Variants in CYP27A1 observed in about 807,000 individuals in gnomAD.
The protein encoded by CYP27A1 is cytochrome P450 family 27 subfamily A member 1.
Under a neutral mutation model 58.2 loss-of-function variants are expected in CYP27A1, and 46 were observed. That is an observed-to-expected ratio of 0.79 (90% CI 0.62 to 1.01). CYP27A1 has a LOEUF of 1.01. Among genes scored for constraint, CYP27A1 ranks in the 50% least tolerant of loss-of-function variants. The probability of loss-of-function intolerance (pLI) is 0.00; values close to 1 mark genes in which losing one functional copy is unlikely to be tolerated. For missense variants in CYP27A1, 704 were observed against 687.0 expected, an observed-to-expected ratio of 1.02 and a Z score of -0.28; for synonymous variants, 274 against 285.1, an observed-to-expected ratio of 0.96 and a Z score of 0.39.
intron 2 of CYP27A1, among the ~76,000 whole-genome samples, chr2:218,812,016 C>A (rs887531442): frequency 1.3e-5 from 2 of 152,188 alleles, no homozygotes; most frequent in East Asian, 3.9e-4. Flanking sequence ...ATACCCACTT[C>A]CACTCTGCTA....
chr2:218,804,207 A>C (rs1323799970), intron 1 of CYP27A1, among the ~76,000 whole-genome samples: 1 of 152,086 alleles, frequency 6.6e-6, no homozygotes, highest in African/African-American at 2.4e-5. Context: ...ATCCATTTTG[A>C]ATTAATTTTT....
At chr2:218,794,663 A>G (rs1943528669) in intron 1 of CYP27A1, among the ~76,000 whole-genome samples, 1 of 152,134 alleles carries the variant, frequency 6.6e-6, no homozygotes, top group Non-Finnish European at 1.5e-5. Context: ...AGCCAGTTTA[A>G]GGTTTGGGAA....
At chr2:218,800,240 C>T (rs567716638) in intron 1 of CYP27A1, among the ~76,000 whole-genome samples, 16 of 152,030 alleles carry the variant, frequency 1.1e-4, no homozygotes, top group Middle Eastern at 3.2e-3. Flanking sequence ...TCCCATTCTT[C>T]GGTGTTCCAG....
chr2:218,792,838 A>G (rs1405232206), intron 1 of CYP27A1, among the ~76,000 whole-genome samples: 1 of 152,178 alleles, frequency 6.6e-6, no homozygotes, highest in African/African-American at 2.4e-5. Flanking sequence ...AATGCTTCCC[A>G]TGTAACTTAG....
At chr2:218,808,060 A>C (rs190718864) in intron 1 of CYP27A1, among the ~76,000 whole-genome samples, 1 of 152,254 alleles carries the variant, frequency 6.6e-6, no homozygotes, top group Non-Finnish European at 1.5e-5. Flanking sequence ...TTTCTGTATT[A>C]GTACACAAGG....
At chr2:218,794,758 CAG>C (rs2105973350) in intron 1 of CYP27A1, among the ~76,000 whole-genome samples, 1 of 151,998 alleles carries the variant, frequency 6.6e-6, no homozygotes, top group South Asian at 2.1e-4. Context: ...GAAGAGAGGA[CAG>C]AGGAGGAGAA....
At chr2:218,790,687 A>T (rs1051846997) in intron 1 of CYP27A1, among the ~76,000 whole-genome samples, 5 of 151,746 alleles carry the variant, frequency 3.3e-5, no homozygotes, top group South Asian at 2.1e-4. Context: ...ATCATGAGGG[A>T]TAAATTTCTT....
chr2:218,810,293 A>G (rs1283417984), intron 2 of CYP27A1, among the ~76,000 whole-genome samples: 1 of 152,118 alleles, frequency 6.6e-6, no homozygotes. Flanking sequence ...AAGAAAAAAA[A>G]AAAAACTTTT....
intron 1 of CYP27A1, among the ~76,000 whole-genome samples, chr2:218,799,187 T>C (rs1383686290): frequency 2.0e-5 from 3 of 151,740 alleles, no homozygotes; most frequent in South Asian, 4.2e-4. Context: ...CCCCTAATGC[T>C]CTGCAACTCT....
At chr2:218,797,789 A>G (rs572924893) in intron 1 of CYP27A1, among the ~76,000 whole-genome samples, 1 of 152,360 alleles carries the variant, frequency 6.6e-6, no homozygotes, top group African/African-American at 2.4e-5. Context: ...AGAGCAGATT[A>G]GTGCCTTAAG....
intron 8 of CYP27A1, 39 bp downstream of exon 8, chr2:218,814,796 G>A (rs933888044): frequency 1.4e-5 from 23 of 1,613,404 alleles, no homozygotes; most frequent in Non-Finnish European, 1.9e-5. Flanking sequence ...TGGGCAGGGA[G>A]GGGTGGAGGA....
At chr2:218,786,453 G>A (rs1329115164) in intron 1 of CYP27A1, among the ~76,000 whole-genome samples, 1 of 152,194 alleles carries the variant, frequency 6.6e-6, no homozygotes, top group African/African-American at 2.4e-5. Flanking sequence ...GCTTTGAGAA[G>A]CATTGTAGCA....
At chr2:218,800,757 T>A (rs1296340898) in intron 1 of CYP27A1, among the ~76,000 whole-genome samples, 1 of 152,194 alleles carries the variant, frequency 6.6e-6, no homozygotes, top group Admixed American at 6.5e-5. Context: ...AATACACCCA[T>A]ATGTTGTTAT....
rs1943777815 is a variant in CYP27A1, at chr2:218,815,158, C to T, written c.*128C>T. Reference sequence around the variant, plus strand: ...CGCCAGACTCGAGAGGTGGGAGGAACTCCTTGCACACACCCTGAGCTTTTG... The same window carrying T: ...CGCCAGACTCGAGAGGTGGGAGGAATTCCTTGCACACACCCTGAGCTTTTG... On this transcript the variant is annotated 3_prime_UTR_variant, in exon 9 of 9. Transcript: ENST00000258415. 2.7e-6 allele frequency: 3 copies of T among 1,121,684 alleles called. No homozygotes were observed. The highest frequency in any genetic ancestry group is 3.9e-6 in the Non-Finnish European group (3 of 761,012). 69.5% of individuals were successfully genotyped at this position (1,121,684 alleles called of 1,614,324 possible). A position where few individuals can be genotyped will look rare whatever the true frequency, so the allele number is the denominator to read the frequency against.
rs1943737192 is a variant in CYP27A1, at chr2:218,812,754, G to A, written c.844+5G>A. 6.2e-7 allele frequency: 1 copy of A among 1,614,042 alleles called. No homozygotes were observed. The highest frequency in any genetic ancestry group is 1.1e-5 in the South Asian group (1 of 91,088). Reference sequence around the variant, plus strand: ...GGAATGCCATCTTTTCCTTTGGTGAGGACTCCCAGATGGGGCCCAGGGAAG... The same window carrying A: ...GGAATGCCATCTTTTCCTTTGGTGAAGACTCCCAGATGGGGCCCAGGGAAG... On this transcript the variant is annotated splice_donor_5th_base_variant and intron_variant, in intron 4 of 8. Coordinates refer to ENST00000258415, the MANE Select transcript of CYP27A1 (RefSeq NM_000784.4).
At chr2:218,790,839 A>T (rs1403305411) in intron 1 of CYP27A1, among the ~76,000 whole-genome samples, 1 of 151,900 alleles carries the variant, frequency 6.6e-6, no homozygotes, top group Non-Finnish European at 1.5e-5. Context: ...CTGGGACTAC[A>T]GGGGTCCGCC....
intron 1 of CYP27A1, among the ~76,000 whole-genome samples, chr2:218,786,632 G>A (rs527798154): frequency 4.0e-4 from 61 of 152,214 alleles, no homozygotes; most frequent in Non-Finnish European, 6.9e-4. Flanking sequence ...TATTGATCCT[G>A]AGAATTATGA....
intron 1 of CYP27A1, among the ~76,000 whole-genome samples, chr2:218,786,834 A>G (rs771730026): frequency 3.3e-5 from 5 of 151,330 alleles, no homozygotes; most frequent in Non-Finnish European, 7.4e-5. Context: ...TCACTCTGTC[A>G]CCCAGGCTGG....
intron 1 of CYP27A1, among the ~76,000 whole-genome samples, chr2:218,783,839 A>C (rs1454265513): frequency 1.6e-4 from 25 of 152,036 alleles, no homozygotes; most frequent in Admixed American, 1.6e-3. Context: ...AAAAGTAAGG[A>C]GGAGCTGTGG....
Sources: gnomAD v4.1 joint callset for allele counts (sites outside exome capture counted in the v4.1 genomes callset) on GRCh38, gnomAD v4.1.1 for gene constraint, MANE v1.5 for transcripts, NCBI Gene and HGNC (gene_info 2026-07-23, HGNC 2026-07-21) for gene names.